TBC1D1: variants seen among roughly 807,000 people sequenced by gnomAD.
TBC1D1 encodes TBC1 domain family member 1.
In TBC1D1, 89 loss-of-function variants were observed where a neutral mutation model predicts 125.6. That is an observed-to-expected ratio of 0.71 (90% CI 0.60 to 0.85). The LOEUF is 0.85. TBC1D1 is among the 40% of genes least tolerant of loss of function. TBC1D1 has a pLI of 0.00. For synonymous variants in TBC1D1, 565 were observed against 564.1 expected (o/e 1.00, Z -0.02); for missense variants, 1,377 against 1,469.2 (o/e 0.94, Z 1.03).
chr4:38,076,218 C>G (rs1009425696), intron 12 of TBC1D1, among the ~76,000 whole-genome samples: 1 of 152,026 alleles, frequency 6.6e-6, no homozygotes, highest in African/African-American at 2.4e-5. Context: ...AGAGAAGTGC[C>G]GAGCAAAAGG....
At chr4:38,132,986 C>G (rs954580644) in intron 18 of TBC1D1, 98 bp from the exon 21 acceptor site, 1 of 1,011,638 alleles carries the variant, frequency 9.9e-7, no homozygotes, top group Non-Finnish European at 1.5e-6. Flanking sequence ...GTAGAGGAGA[C>G]GCTTCACAGG....
chr4:38,045,761 T>C, intron 9 of TBC1D1, 56 bp from the exon 10 acceptor site: 1 of 1,337,632 alleles, frequency 7.5e-7, no homozygotes, highest in Non-Finnish European at 1.1e-6. Context: ...TGCTTCTAGC[T>C]GATGCCTTTG....
chr4:37,904,200 A>T (rs1177038302), intron 2 of TBC1D1, among the ~76,000 whole-genome samples: 14 of 151,992 alleles, frequency 9.2e-5, no homozygotes, highest in Non-Finnish European at 1.9e-4. Context: ...CCATAAAAAC[A>T]TTTTCATTCA....
intron 12 of TBC1D1, among the ~76,000 whole-genome samples, chr4:38,080,350 A>G (rs1756335874): frequency 6.6e-6 from 1 of 152,208 alleles, no homozygotes; most frequent in Non-Finnish European, 1.5e-5. Context: ...GGCAGCAGTC[A>G]GGGTAACTCC....
chr4:37,976,509 T>C (rs918768261), intron 2 of TBC1D1, among the ~76,000 whole-genome samples: 4 of 152,214 alleles, frequency 2.6e-5, no homozygotes, highest in African/African-American at 9.6e-5. Context: ...GTCCCAATGG[T>C]CCTTCAAGAA....
intron 2 of TBC1D1, among the ~76,000 whole-genome samples, chr4:37,966,188 T>G (rs555408580): frequency 2.0e-5 from 3 of 152,218 alleles, no homozygotes; most frequent in Non-Finnish European, 4.4e-5. Flanking sequence ...TGAGGTCACA[T>G]AGCTGGTTGC....
At chr4:38,116,828 G>C (rs147281318) in intron 16 of TBC1D1, among the ~76,000 whole-genome samples, 1 of 152,306 alleles carries the variant, frequency 6.6e-6, no homozygotes, top group African/African-American at 2.4e-5. Context: ...TATGCCTTCA[G>C]AGCTCTAGAG....
At chr4:38,116,009 T>A in intron 16 of TBC1D1, 55 bp downstream of exon 18, 1 of 1,586,872 alleles carries the variant, frequency 6.3e-7, no homozygotes, top group Admixed American at 1.7e-5. Flanking sequence ...ATGTTTCTTA[T>A]CCCTCTCCAG....
intron 2 of TBC1D1, among the ~76,000 whole-genome samples, chr4:37,972,803 G>A (rs1732312913): frequency 6.6e-6 from 1 of 151,202 alleles, no homozygotes; most frequent in South Asian, 2.1e-4. Flanking sequence ...TCAGGAGGCT[G>A]AGGCAGAAGA....
intron 2 of TBC1D1, among the ~76,000 whole-genome samples, chr4:37,927,268 T>C (rs553190656): frequency 1.4e-4 from 22 of 152,340 alleles, no homozygotes; most frequent in South Asian, 8.3e-4. Flanking sequence ...TTCGAATTTA[T>C]TCTTTTTCAT....
intron 9 of TBC1D1, among the ~76,000 whole-genome samples, chr4:38,045,429 A>G (rs1251321291): frequency 6.6e-6 from 1 of 152,234 alleles, no homozygotes; most frequent in African/African-American, 2.4e-5. Context: ...GAGGGGCTGC[A>G]TTTGAGAGCT....
At chr4:38,007,007 C>A in intron 2 of TBC1D1, 2 of 412,606 alleles carry the variant, frequency 4.8e-6, no homozygotes, top group South Asian at 2.1e-5. Flanking sequence ...ACAGTGTCAC[C>A]ATTTTCATAG....
chr4:38,135,059 GA>G (rs1456987056), intron 19 of TBC1D1, among the ~76,000 whole-genome samples: 7 of 152,142 alleles, frequency 4.6e-5, no homozygotes, highest in Admixed American at 4.6e-4. Context: ...GATCCCCTAC[GA>G]AAATATGCCT....
intron 15 of TBC1D1, 97 bp downstream of exon 17, chr4:38,103,254 G>A: frequency 7.6e-7 from 1 of 1,314,100 alleles, no homozygotes; most frequent in Non-Finnish European, 1.0e-6. Context: ...CTGCCTTTAG[G>A]TTTAGCAATC....
chr4:38,111,058 G>A (rs1050334104), intron 15 of TBC1D1, among the ~76,000 whole-genome samples: 6 of 152,242 alleles, frequency 3.9e-5, no homozygotes, highest in Non-Finnish European at 7.3e-5. Context: ...CCACGGCTCC[G>A]GCCAACTGCT....
chr4:38,135,317 C>T (rs1766311786), intron 19 of TBC1D1, among the ~76,000 whole-genome samples: 1 of 152,166 alleles, frequency 6.6e-6, no homozygotes, highest in South Asian at 2.1e-4. Flanking sequence ...CTCTTTTGTT[C>T]AGCAGTACAT....
intron 15 of TBC1D1, among the ~76,000 whole-genome samples, chr4:38,104,159 CAAAA>C (rs71658758): frequency 4.8e-5 from 4 of 83,958 alleles, no homozygotes; most frequent in Admixed American, 1.4e-4. Flanking sequence ...GACTCTGTCT[CAAAA>C]AAAAAAAAAA....
chr4:37,992,860 A>C (rs1199217864), intron 2 of TBC1D1, among the ~76,000 whole-genome samples: 5 of 143,602 alleles, frequency 3.5e-5, no homozygotes, highest in Non-Finnish European at 7.5e-5. Context: ...GCTGGAGTGC[A>C]GTGGCGCGAT....
At position 37,966,442 on chromosome 4, in the gene TBC1D1, C is replaced by A. The variant is rs116322782; in HGVS notation, c.418-48067C>A. Among the ~76,000 whole-genome samples, 723 of 152,328 alleles carry A rather than the reference C, an allele frequency of 4.7e-3. 2 individuals carry two copies. The highest frequency in any genetic ancestry group is 0.017 in the African/African-American group (687 of 41,568). ...AAGCGTTTAAAAAACTGAGTGGGAT[C>A]CCCACACAAATGGAAAAGAGAAGCT... On this transcript the variant is annotated intron_variant, in intron 2 of 19. Coordinates refer to ENST00000261439, the MANE Select transcript of TBC1D1 (RefSeq NM_015173.4).
Sources: allele counts gnomAD v4.1 joint callset (sites outside exome capture counted in the v4.1 genomes callset), GRCh38; gene constraint gnomAD v4.1.1; transcripts MANE v1.5; gene names NCBI Gene and HGNC (gene_info 2026-07-23, HGNC 2026-07-21).